The following TENM4 variants were observed in gnomAD, a reference collection of about 807,000 sequenced individuals.
TENM4 encodes the protein teneurin-4.
TENM4 carries 82 observed loss-of-function variants against 243.3 expected under a neutral mutation model. The observed-to-expected ratio is 0.34, with a 90% CI of 0.28 to 0.40. The LOEUF (loss-of-function observed/expected upper bound fraction) is 0.40, where lower values mean the gene tolerates loss of function less well. Among genes scored for constraint, TENM4 ranks in the 10% least tolerant of loss-of-function variants. The pLI is 1.00. For synonymous variants in TENM4, 1,412 were observed against 1,456.3 expected (o/e 0.97, Z 0.69); for missense variants, 3,138 against 3,673.3 (o/e 0.85, Z 3.77).
chr11:78,972,847 C>T (rs1415236155), intron 6 of TENM4, among the ~76,000 whole-genome samples: 1 of 152,172 alleles, frequency 6.6e-6, no homozygotes, highest in Admixed American at 6.5e-5. Context: ...CCTCCAATTC[C>T]CTGCAGCCTA....
chr11:78,720,735 G>C (rs1005313241), intron 24 of TENM4, among the ~76,000 whole-genome samples: 1 of 152,164 alleles, frequency 6.6e-6, no homozygotes, highest in Non-Finnish European at 1.5e-5. Context: ...CACATACCCA[G>C]AGATACACAT....
chr11:78,981,859 T>C (rs968730109), intron 6 of TENM4, among the ~76,000 whole-genome samples: 17 of 152,150 alleles, frequency 1.1e-4, no homozygotes, highest in African/African-American at 4.1e-4. Flanking sequence ...TGTTGAGCCA[T>C]GTCCTTTGCT....
At chr11:79,412,017 G>C (rs1344276920) in intron 1 of TENM4, among the ~76,000 whole-genome samples, 1 of 152,184 alleles carries the variant, frequency 6.6e-6, no homozygotes, top group Non-Finnish European at 1.5e-5. Flanking sequence ...CTGATGCTTG[G>C]CTCAGCCACA....
intron 4 of TENM4, among the ~76,000 whole-genome samples, chr11:79,137,544 A>G (rs1434346231): frequency 6.6e-6 from 1 of 152,192 alleles, no homozygotes; most frequent in Non-Finnish European, 1.5e-5. Flanking sequence ...CAGAATGTGT[A>G]GTAGAAGAAG....
At chr11:79,315,258 C>T (rs756590196) in intron 1 of TENM4, among the ~76,000 whole-genome samples, 21 of 152,182 alleles carry the variant, frequency 1.4e-4, no homozygotes, top group South Asian at 4.1e-4. Context: ...ATGATTCTCA[C>T]GAGCAGAGCT....
intron 4 of TENM4, among the ~76,000 whole-genome samples, chr11:79,116,092 T>C (rs1399136402): frequency 6.6e-6 from 1 of 152,206 alleles, no homozygotes; most frequent in Non-Finnish European, 1.5e-5. Context: ...CAAAGCAGAA[T>C]AACAATATAT....
At chr11:79,425,853 T>C (rs1859037390) in intron 1 of TENM4, among the ~76,000 whole-genome samples, 1 of 152,198 alleles carries the variant, frequency 6.6e-6, no homozygotes, top group African/African-American at 2.4e-5. Context: ...CAGTGAGACA[T>C]GTGATGACAA....
chr11:79,038,564 G>C (rs78506277), intron 6 of TENM4, among the ~76,000 whole-genome samples: 2 of 152,154 alleles, frequency 1.3e-5, no homozygotes, highest in Admixed American at 1.3e-4. Flanking sequence ...TGATGACTTT[G>C]ACTTTTTGTG....
intron 1 of TENM4, among the ~76,000 whole-genome samples, chr11:79,324,091 T>C (rs1191500666): frequency 6.6e-6 from 1 of 152,236 alleles, no homozygotes; most frequent in Non-Finnish European, 1.5e-5. Context: ...TCTTCCTGTA[T>C]ACTTCAAATC....
Position 79,050,710 on chromosome 11 carries a change from C to G in TENM4, c.493+14028G>C, listed in dbSNP as rs1859769933. Among the ~76,000 whole-genome samples the G allele has an allele frequency of 4.6e-5, 7 of 152,268 alleles. No homozygotes were observed. The South Asian group carries it at 1.5e-3, about 32-fold the overall frequency. On this transcript the variant is annotated intron_variant, in intron 6 of 33. Transcript: ENST00000278550. ...GTTTAGGTACTACACAAACTAAGTA[C>G]AGCAAACTCATTTAGAAGCCAGGCT...
chr11:78,752,371 C>T (rs966215041), intron 19 of TENM4, among the ~76,000 whole-genome samples: 4 of 152,180 alleles, frequency 2.6e-5, no homozygotes, highest in Admixed American at 1.3e-4. Flanking sequence ...AAGCCCTGGG[C>T]TTGAATTCCC....
At chr11:78,856,616 C>A (rs561505772) in intron 10 of TENM4, among the ~76,000 whole-genome samples, 1 of 151,914 alleles carries the variant, frequency 6.6e-6, no homozygotes, top group East Asian at 1.9e-4. Flanking sequence ...ATGAGTCCCC[C>A]AGCAGTGGGA....
rs34382953 is a variant in TENM4, at chr11:79,241,124, C to CT, written c.-264-25216dup. Among the ~76,000 whole-genome samples, 914 of 149,094 alleles carry CT rather than the reference C, an allele frequency of 6.1e-3. 3 individuals are homozygous for CT. The highest frequency in any genetic ancestry group is 5.9e-3 in the Non-Finnish European group (398 of 67,064). The stretch of plus-strand genomic sequence containing the variant: ...CAGAATGTATCTTTGATAAAGCACT[C>CT]TTTTTTTTTTCAAGGAAAAATACCA... On this transcript the variant is annotated intron_variant, in intron 2 of 33. Coordinates refer to ENST00000278550, the MANE Select transcript of TENM4 (RefSeq NM_001098816.3).
intron 4 of TENM4, among the ~76,000 whole-genome samples, chr11:79,103,829 G>A (rs1861294998): frequency 2.0e-5 from 3 of 152,222 alleles, no homozygotes; most frequent in African/African-American, 7.2e-5. Context: ...CCCACTCGCT[G>A]TCTTAGGCGA....
intron 2 of TENM4, among the ~76,000 whole-genome samples, chr11:79,257,620 G>A (rs184826799): frequency 1.6e-4 from 24 of 152,312 alleles, no homozygotes; most frequent in African/African-American, 5.3e-4. Flanking sequence ...TAGTTGACAC[G>A]TGTCTTTGAC....
At position 79,384,937 on chromosome 11, in the gene TENM4, TTAAAA is replaced by T. The variant is rs58915516; in HGVS notation, c.-321+55567_-321+55571del. 1.6e-3 allele frequency among the ~76,000 whole-genome samples: 188 copies of T among 114,406 alleles called. 1 individual carries two copies. Among genetic ancestry groups the T allele is most frequent in the African/African-American group, 5.5e-3 (161 of 29,064 alleles). The allele number at this position is 114,406 out of a possible 152,430, so 75.1% of individuals were successfully genotyped here. ...CAAGACTCCGTCTCAAAAAATAAAA[TTAAAA>T]TAAAATAAAATAAAATAAAATAAAA... On this transcript the variant is annotated intron_variant, in intron 1 of 33. Transcript: ENST00000278550.
chr11:78,871,015 C>T (rs545818355), intron 9 of TENM4, among the ~76,000 whole-genome samples: 6 of 152,190 alleles, frequency 3.9e-5, no homozygotes, highest in Non-Finnish European at 7.3e-5. Context: ...TGGCCACCCC[C>T]CACCAACCTT....
In TENM4 at chr11:78,966,208, A is replaced by G. The variant is rs866861388; in HGVS notation, c.494-62685T>C. Among the ~76,000 whole-genome samples, 57 of 151,722 alleles carry G rather than the reference A, an allele frequency of 3.8e-4. 1 individual carries two copies. In the East Asian group the frequency reaches 6.8e-3, roughly 18 times the overall value. ...AAAGGAAAATTAAAAAAAAAAAAAA[A>G]AAAGAAAGAAAAGAGTGCCTACTAA... On this transcript the variant is annotated intron_variant, in intron 6 of 33. Coordinates refer to ENST00000278550, the MANE Select transcript of TENM4 (RefSeq NM_001098816.3).
At chr11:79,180,110 C>G (rs1171747840) in intron 3 of TENM4, among the ~76,000 whole-genome samples, 1 of 151,490 alleles carries the variant, frequency 6.6e-6, no homozygotes, top group African/African-American at 2.4e-5. Context: ...TTAACCAAAG[C>G]AATGAGGAAA....
Sources: gnomAD v4.1 joint callset for allele counts (sites outside exome capture counted in the v4.1 genomes callset) on GRCh38, gnomAD v4.1.1 for gene constraint, MANE v1.5 for transcripts, NCBI Gene and HGNC (gene_info 2026-07-23, HGNC 2026-07-21) for gene names.